BEND7: variants seen among roughly 807,000 people sequenced by gnomAD.
BEND7 encodes BEN domain-containing protein 7.
BEND7 carries 28 observed loss-of-function variants against 50.9 expected under a neutral mutation model. The observed-to-expected ratio is 0.55, with a 90% CI of 0.41 to 0.75. BEND7 has a LOEUF of 0.75. Ranked by LOEUF, BEND7 falls within the 30% of genes least tolerant of loss-of-function variation. BEND7 has a pLI of 0.00. For missense variants in BEND7, 477 were observed against 491.3 expected (o/e 0.97, Z 0.28); for synonymous variants, 170 against 183.9 (o/e 0.92, Z 0.61).
chr10:13,476,426 T>C (rs1348603292), intron 6 of BEND7, among the ~76,000 whole-genome samples: 2 of 152,152 alleles, frequency 1.3e-5, no homozygotes, highest in African/African-American at 4.8e-5. Context: ...CCCAACAAGG[T>C]CTTCACTTGA....
chr10:13,463,569 C>T (rs752665576), intron 6 of BEND7, among the ~76,000 whole-genome samples: 6 of 151,958 alleles, frequency 3.9e-5, no homozygotes, highest in Admixed American at 1.3e-4. Context: ...AAATCTCTAC[C>T]TCACATTTAG....
intron 2 of BEND7, among the ~76,000 whole-genome samples, chr10:13,508,496 C>G (rs1219875151): frequency 2.0e-5 from 3 of 152,060 alleles, no homozygotes; most frequent in African/African-American, 7.2e-5. Context: ...AAGGAAAGAC[C>G]AAAAAGTGGC....
chr10:13,453,375 C>T (rs1277653128), intron 6 of BEND7, among the ~76,000 whole-genome samples: 2 of 152,124 alleles, frequency 1.3e-5, no homozygotes, highest in Non-Finnish European at 2.9e-5. Flanking sequence ...TTCAACTTGT[C>T]CTTCGTAAGG....
At chr10:13,439,517 GTGAA>G (rs762106498), downstream of BEND7, 171 of 1,569,520 alleles carry the variant, frequency 1.1e-4, no homozygotes, top group Middle Eastern at 5.1e-4. Flanking sequence ...GAATGAATGA[GTGAA>G]TGAATGAATG....
At chr10:13,488,807 G>T (rs1030984541) in intron 5 of BEND7, among the ~76,000 whole-genome samples, 5 of 152,180 alleles carry the variant, frequency 3.3e-5, no homozygotes, top group African/African-American at 1.2e-4. Context: ...ATTTAGATCT[G>T]AAATTTAGTT....
At chr10:13,500,834 C>T (rs2077389695) in intron 2 of BEND7, 1 of 985,286 alleles carries the variant, frequency 1.0e-6, no homozygotes, top group South Asian at 4.7e-5. Context: ...GGTACCAGCA[C>T]TGGAAGGGCG....
chr10:13,525,839 A>G (rs1456732517), intron 2 of BEND7, among the ~76,000 whole-genome samples: 2 of 152,184 alleles, frequency 1.3e-5, no homozygotes, highest in Admixed American at 6.5e-5. Flanking sequence ...GCCAACGAAT[A>G]TGCAATGTAA....
chr10:13,529,392 C>T (rs2079587617), upstream of BEND7, among the ~76,000 whole-genome samples: 1 of 152,092 alleles, frequency 6.6e-6, no homozygotes, highest in African/African-American at 2.4e-5. Context: ...CGGGGCCCGA[C>T]GCGCTGATTT....
intron 6 of BEND7, among the ~76,000 whole-genome samples, chr10:13,453,205 G>A (rs1036791562): frequency 7.2e-5 from 11 of 152,246 alleles, no homozygotes; most frequent in South Asian, 2.1e-4. Flanking sequence ...AGAACTGCCC[G>A]ATTCAGCACA....
intron 6 of BEND7, among the ~76,000 whole-genome samples, chr10:13,464,200 C>T (rs897911309): frequency 2.0e-5 from 3 of 152,168 alleles, no homozygotes; most frequent in Admixed American, 6.5e-5. Context: ...CACATGGGCA[C>T]CCAGAAACAC....
downstream of BEND7, chr10:13,439,369 G>A (rs751077006): frequency 2.5e-6 from 4 of 1,614,168 alleles, no homozygotes; most frequent in Admixed American, 1.7e-5. Context: ...AGGAGCACGA[G>A]ATGCTGCTCC....
chr10:13,516,976 G>GACCATACAAAAA (rs2078728024), intron 2 of BEND7, among the ~76,000 whole-genome samples: 1 of 151,630 alleles, frequency 6.6e-6, no homozygotes, highest in Non-Finnish European at 1.5e-5. Context: ...AATAAGTGTT[G>GACCATACAAAAA]ATTGGAATAT....
chr10:13,490,442 A>C (rs2076567166), intron 5 of BEND7, among the ~76,000 whole-genome samples: 2 of 152,184 alleles, frequency 1.3e-5, no homozygotes, highest in Non-Finnish European at 2.9e-5. Context: ...CCCAGATGGG[A>C]ATCCGGGGCT....
chr10:13,497,701 G>A (rs529264022), intron 3 of BEND7, among the ~76,000 whole-genome samples: 1 of 152,234 alleles, frequency 6.6e-6, no homozygotes, highest in Admixed American at 6.5e-5. Context: ...GGGACATTTG[G>A]ACATTGCTCT....
At chr10:13,514,881 T>G (rs1255001435) in intron 2 of BEND7, among the ~76,000 whole-genome samples, 2 of 152,354 alleles carry the variant, frequency 1.3e-5, no homozygotes, top group African/African-American at 4.8e-5. Flanking sequence ...CTTGCGCTTC[T>G]GTGGGGTTCT....
intron 6 of BEND7, among the ~76,000 whole-genome samples, chr10:13,453,138 G>A (rs921248042): frequency 2.0e-5 from 3 of 152,210 alleles, no homozygotes; most frequent in African/African-American, 7.2e-5. Context: ...GTGTCGTGAT[G>A]AAAGTTCCAA....
intron 2 of BEND7, among the ~76,000 whole-genome samples, chr10:13,510,273 C>A (rs925065186): frequency 1.1e-4 from 17 of 152,132 alleles, no homozygotes; most frequent in Admixed American, 4.6e-4. Flanking sequence ...ACATAAAATT[C>A]TTTTCCTTTC....
chr10:13,456,652 G>A (rs544920504), intron 6 of BEND7, among the ~76,000 whole-genome samples: 6 of 152,252 alleles, frequency 3.9e-5, no homozygotes, highest in South Asian at 2.1e-4. Context: ...CTGGGGCTGC[G>A]CATGCTTTGA....
At chr10:13,444,289 A>T (rs1484498277) in intron 8 of BEND7, 1 of 152,216 alleles carries the variant, frequency 6.6e-6, no homozygotes, top group East Asian at 1.9e-4. Flanking sequence ...TGCACTACAG[A>T]AGGTGAATCC....
Sources: gnomAD v4.1 joint callset for allele counts (sites outside exome capture counted in the v4.1 genomes callset) on GRCh38, gnomAD v4.1.1 for gene constraint, MANE v1.5 for transcripts, NCBI Gene and HGNC (gene_info 2026-07-23, HGNC 2026-07-21) for gene names.